The following CDH18 variants were observed in gnomAD, a reference collection of about 807,000 sequenced individuals.
CDH18 encodes the protein cadherin 18.
Under a neutral mutation model 67.9 loss-of-function variants are expected in CDH18, and 31 were observed. That is an observed-to-expected ratio of 0.46 (90% CI 0.34 to 0.62). The LOEUF (loss-of-function observed/expected upper bound fraction) is 0.62, where lower values mean the gene tolerates loss of function less well. Ranked by LOEUF, CDH18 falls within the 20% of genes least tolerant of loss-of-function variation. The pLI is 0.01. For missense variants in CDH18, 890 were observed against 975.5 expected, an observed-to-expected ratio of 0.91 and a Z score of 1.17; for synonymous variants, 362 against 347.2, an observed-to-expected ratio of 1.04 and a Z score of -0.48.
At chr5:19,968,205 T>A (rs1797656418) in intron 2 of CDH18, among the ~76,000 whole-genome samples, 1 of 152,004 alleles carries the variant, frequency 6.6e-6, no homozygotes, top group African/African-American at 2.4e-5. Flanking sequence ...CACAAACAAA[T>A]GGAAAAACAT....
At chr5:20,209,271 GA>G (rs2126365434) in intron 2 of CDH18, among the ~76,000 whole-genome samples, 1 of 152,086 alleles carries the variant, frequency 6.6e-6, no homozygotes, top group Admixed American at 6.6e-5. Flanking sequence ...CAAAAGAAAG[GA>G]AACCAATGTA....
At chr5:20,498,982 A>G (rs1159354817) in intron 1 of CDH18, among the ~76,000 whole-genome samples, 1 of 152,066 alleles carries the variant, frequency 6.6e-6, no homozygotes, top group Non-Finnish European at 1.5e-5. Context: ...TTTAATTTGC[A>G]TACTCTGGGT....
intron 2 of CDH18, among the ~76,000 whole-genome samples, chr5:20,028,551 C>T (rs184447382): frequency 1.4e-4 from 22 of 152,226 alleles, no homozygotes; most frequent in African/African-American, 3.6e-4. Flanking sequence ...GTTTTCCATA[C>T]GGTAGCCTCG....
At chr5:20,183,558 GA>G (rs913188287) in intron 2 of CDH18, among the ~76,000 whole-genome samples, 3 of 151,922 alleles carry the variant, frequency 2.0e-5, no homozygotes, top group East Asian at 3.9e-4. Flanking sequence ...GCAATTCAAT[GA>G]AAAAATAAAT....
At chr5:19,971,515 G>T (rs1038129314) in intron 2 of CDH18, among the ~76,000 whole-genome samples, 1 of 151,990 alleles carries the variant, frequency 6.6e-6, no homozygotes, top group Non-Finnish European at 1.5e-5. Context: ...GATCATTTGC[G>T]AAACTTGGTA....
intron 2 of CDH18, among the ~76,000 whole-genome samples, chr5:20,038,209 T>C (rs1402252361): frequency 2.0e-5 from 3 of 152,036 alleles, no homozygotes. Flanking sequence ...CAGTAATGAA[T>C]AGCCTACAAA....
At chr5:19,582,582 A>G (rs1743453229) in intron 7 of CDH18, among the ~76,000 whole-genome samples, 1 of 152,104 alleles carries the variant, frequency 6.6e-6, no homozygotes, top group Non-Finnish European at 1.5e-5. Flanking sequence ...ATAACTTTTC[A>G]GACTTTAGAA....
intron 2 of CDH18, among the ~76,000 whole-genome samples, chr5:19,926,993 G>A (rs993172648): frequency 3.9e-5 from 6 of 152,034 alleles, no homozygotes; most frequent in Non-Finnish European, 7.4e-5. Context: ...AAAAATAAGC[G>A]TTAAAGAATT....
chr5:20,114,282 T>C (rs1187435517), intron 2 of CDH18, among the ~76,000 whole-genome samples: 1 of 152,180 alleles, frequency 6.6e-6, no homozygotes, highest in Non-Finnish European at 1.5e-5. Flanking sequence ...AACATAATAG[T>C]CGTGTGCTAG....
At chr5:20,110,943 C>CT (rs1423708043) in intron 2 of CDH18, among the ~76,000 whole-genome samples, 3 of 151,968 alleles carry the variant, frequency 2.0e-5, no homozygotes, top group Non-Finnish European at 4.4e-5. Context: ...GTCTTCTTGG[C>CT]TTTTTTCTAC....
At chr5:20,123,020 T>TTA (rs991801395) in intron 2 of CDH18, among the ~76,000 whole-genome samples, 2 of 148,222 alleles carry the variant, frequency 1.3e-5, no homozygotes, top group Non-Finnish European at 3.0e-5. Flanking sequence ...ATATAAGCTA[T>TTA]TATATATATA....
At chr5:19,815,564 TA>T (rs58457874) in intron 3 of CDH18, among the ~76,000 whole-genome samples, 69,526 of 151,284 alleles carry the variant, frequency 0.46, 16,102 homozygotes, top group Middle Eastern at 0.59. Flanking sequence ...ATCTTCATAT[TA>T]AAAAAAAATT....
chr5:20,044,871 C>A lies in CDH18; in HGVS notation c.-517-52857G>T, dbSNP rs180964586. ...GATTATTATACTCAAAATATTTTCCCTCTATTTTTATAATATGTTCCAGCC... is the reference window on the plus strand; with the variant it reads ...GATTATTATACTCAAAATATTTTCCATCTATTTTTATAATATGTTCCAGCC... On this transcript the variant is annotated intron_variant, in intron 2 of 14. Coordinates refer to the CDH18 transcript ENST00000507958. Among the ~76,000 whole-genome samples, 6 of 152,076 alleles carry A rather than the reference C, an allele frequency of 3.9e-5. No individual in the cohort carries two copies. The East Asian group carries it at 1.2e-3, about 29-fold the overall frequency.
In CDH18 at chr5:19,856,446, T is replaced by C. The variant is rs116052778; in HGVS notation, c.-256-17204A>G. On this transcript the variant is annotated intron_variant, in intron 2 of 12. Coordinates refer to ENST00000382275, the MANE Select transcript of CDH18 (RefSeq NM_004934.5). ...TTTGCATTCTAATTTCTAATGATGA[T>C]GGATTACACATCTTTCCAATATTAG... 8.1e-3 allele frequency among the ~76,000 whole-genome samples: 1,226 copies of C among 152,296 alleles called. 23 individuals carry two copies. Among genetic ancestry groups the C allele is most frequent in the African/African-American group, 0.028 (1,158 of 41,578 alleles).
chr5:20,450,618 A>T (rs1276806501), intron 1 of CDH18, among the ~76,000 whole-genome samples: 2 of 152,154 alleles, frequency 1.3e-5, no homozygotes, highest in Admixed American at 1.3e-4. Flanking sequence ...AGCAATTGCT[A>T]ATATTAATGT....
intron 2 of CDH18, among the ~76,000 whole-genome samples, chr5:20,222,797 GTGCA>G (rs976532904): frequency 3.7e-4 from 56 of 151,876 alleles, no homozygotes; most frequent in African/African-American, 1.3e-3. Context: ...TAACCGAATT[GTGCA>G]TGTTTTCTGA....
chr5:19,986,488 C>A (rs1799575984), intron 1 of CDH18, among the ~76,000 whole-genome samples: 1 of 152,152 alleles, frequency 6.6e-6, no homozygotes, highest in Non-Finnish European at 1.5e-5. Context: ...GTATCAGTTC[C>A]TTTTTGTTTG....
chr5:20,068,245 A>C (rs1743156144), intron 2 of CDH18, among the ~76,000 whole-genome samples: 1 of 152,162 alleles, frequency 6.6e-6, no homozygotes, highest in African/African-American at 2.4e-5. Flanking sequence ...TTAATCATAC[A>C]TGATGGGTCA....
chr5:19,485,258 CTTT>C (rs397884499), intron 11 of CDH18, among the ~76,000 whole-genome samples: 5 of 137,372 alleles, frequency 3.6e-5, no homozygotes, highest in African/African-American at 2.6e-5. Context: ...GCTGTCTATT[CTTT>C]TTTTTTTTTT....
Sources: gnomAD v4.1 joint callset for allele counts (sites outside exome capture counted in the v4.1 genomes callset) on GRCh38, gnomAD v4.1.1 for gene constraint, MANE v1.5 for transcripts, NCBI Gene and HGNC (gene_info 2026-07-23, HGNC 2026-07-21) for gene names.